MYO1F: variants seen among roughly 807,000 people sequenced by gnomAD.
MYO1F encodes the protein unconventional myosin-If.
Under a neutral mutation model 146.6 loss-of-function variants are expected in MYO1F, and 60 were observed. The observed-to-expected ratio is 0.41, with a 90% CI of 0.33 to 0.51. The LOEUF (loss-of-function observed/expected upper bound fraction) is 0.51. MYO1F is among the 20% of genes least tolerant of loss of function. MYO1F has a pLI of 0.25. For synonymous variants in MYO1F, 602 were observed against 602.1 expected, an observed-to-expected ratio of 1.00 and a Z score of 0.00; for missense variants, 1,274 against 1,534.3, an observed-to-expected ratio of 0.83 and a Z score of 2.83.
chr19:8,546,498 C>T (rs183863111), intron 12 of MYO1F, among the ~76,000 whole-genome samples: 215 of 151,786 alleles, frequency 1.4e-3, no homozygotes, highest in African/African-American at 4.3e-3. Flanking sequence ...TAGCTGGGAC[C>T]GTAGGAGCAC....
intron 14 of MYO1F, among the ~76,000 whole-genome samples, chr19:8,543,675 CTGGTGGTGGTGGTGG>C (rs1191447239): frequency 0.063 from 2,292 of 36,150 alleles, 172 homozygotes; most frequent in African/African-American, 0.1. Flanking sequence ...GGTGGTGGTG[CTGGTGGTGGTGGTGG>C]TGGTGGTGGT....
At chr19:8,557,356 G>C (rs939421784) in intron 1 of MYO1F, among the ~76,000 whole-genome samples, 8 of 152,180 alleles carry the variant, frequency 5.3e-5, no homozygotes, top group African/African-American at 1.9e-4. Flanking sequence ...GAGTGCAGTG[G>C]TGTGATCACA....
intron 21 of MYO1F, among the ~76,000 whole-genome samples, chr19:8,527,829 T>G (rs539876225): frequency 2.6e-5 from 4 of 152,224 alleles, no homozygotes; most frequent in South Asian, 4.1e-4. Context: ...CCCAGGCTGG[T>G]CTTGAGCTCC....
chr19:8,544,711 G>A (rs1222841608), intron 13 of MYO1F, among the ~76,000 whole-genome samples: 4 of 152,066 alleles, frequency 2.6e-5, no homozygotes, highest in Admixed American at 2.6e-4. Context: ...GCAGAAGTGG[G>A]TGGGGACCCC....
rs1393662164 is a variant in MYO1F, at chr19:8,527,328, C to G, written c.2474+10G>C. ...GAGTGACTGTGCGGCAGGTAAGGAC[C>G]TGGCTTCACCTGAGGGAGACTCCCC... On this transcript the variant is annotated intron_variant, in intron 22 of 27. Transcript: ENST00000644032. 1 of 1,613,978 alleles carries G rather than the reference C, an allele frequency of 6.2e-7. No individual in the cohort carries two copies. Among genetic ancestry groups the G allele is most frequent in the Non-Finnish European group, 8.5e-7 (1 of 1,179,994 alleles).
In MYO1F at chr19:8,536,934, G is replaced by GT; in HGVS notation, c.1799+14dup. ...CCTGGGGGGAATGAATCTTGGATTG[G>GT]TTGGGGGGGATCACCTGTTCTCCTC... On this transcript the variant is annotated intron_variant, in intron 17 of 27. Transcript: ENST00000644032. 1.5e-6 allele frequency: 2 copies of GT among 1,373,200 alleles called. No homozygotes were observed. Among genetic ancestry groups the GT allele is most frequent in the Non-Finnish European group, 2.0e-6 (2 of 1,013,896 alleles). The allele number at this position is 1,373,200 out of a possible 1,614,324, so 85.1% of individuals were successfully genotyped here.
intron 1 of MYO1F, among the ~76,000 whole-genome samples, chr19:8,564,839 T>A (rs1392956774): frequency 6.6e-6 from 1 of 151,576 alleles, no homozygotes; most frequent in Non-Finnish European, 1.5e-5. Flanking sequence ...GTGGTATGAT[T>A]TCGGCTCACT....
At chr19:8,553,812 C>T (rs942874797) in intron 4 of MYO1F, among the ~76,000 whole-genome samples, 1 of 151,162 alleles carries the variant, frequency 6.6e-6, no homozygotes, top group African/African-American at 2.4e-5. Context: ...GCAGAGGTTG[C>T]AGTGAGCTGA....
intron 16 of MYO1F, among the ~76,000 whole-genome samples, chr19:8,538,397 TCTC>T (rs1568343193): frequency 6.6e-6 from 1 of 151,790 alleles, no homozygotes; most frequent in Non-Finnish European, 1.5e-5. Context: ...TTCAAGCAAT[TCTC>T]CTGCCTCAGC....
In MYO1F at chr19:8,522,784, AG is replaced by A; in HGVS notation, c.2899del (p.Leu967CysfsTer94). On this transcript the variant is annotated frameshift_variant, in exon 26 of 28. Coordinates refer to ENST00000644032, the MANE Select transcript of MYO1F (RefSeq NM_012335.4). LOFTEE classifies it high-confidence loss of function. ...GVPPSARGGP[L>X]PLEIMSGGGT... ...CCCTCCAGACATGATCTCCAGGGGC[AG>A]GGGGCCCCCTCTGGCAGAGGGGGGC... is the stretch of plus-strand genomic sequence containing the variant. 1.2e-6 allele frequency: 2 copies of A among 1,602,686 alleles called. No homozygotes were observed.
chr19:8,553,497 G>C (rs1599998675), intron 4 of MYO1F, 60 bp from the exon 5 acceptor site: 1 of 1,395,962 alleles, frequency 7.2e-7, no homozygotes, highest in Non-Finnish European at 1.0e-6. Flanking sequence ...TTTAGTGCCT[G>C]ACCATTCATT....
intron 19 of MYO1F, among the ~76,000 whole-genome samples, chr19:8,531,716 C>T (rs537913931): frequency 1.7e-4 from 26 of 152,324 alleles, no homozygotes; most frequent in African/African-American, 3.4e-4. Context: ...TATGATGTCA[C>T]GGTTTCTTAC....
In MYO1F at chr19:8,574,642, TTTCCTTTCTTTC is replaced by T. The variant is rs1555733221; in HGVS notation, c.3+2653_3+2664del. Among the ~76,000 whole-genome samples the T allele has an allele frequency of 2.4e-3, 126 of 53,090 alleles. 3 individuals carry two copies. Among genetic ancestry groups the T allele is most frequent in the East Asian group, 0.012 (8 of 642 alleles). 34.8% of individuals were successfully genotyped at this position (53,090 alleles called of 152,430 possible). A position where few individuals can be genotyped will look rare whatever the true frequency, so the allele number is the denominator to read the frequency against. On this transcript the variant is annotated intron_variant, in intron 1 of 27. Transcript: ENST00000644032. ...CTTTCTTTCTTTCTTTCTTTCTTTCTTTCCTTTCTTTCTCTTTCTTCTTTCTCTCTTTCTTTC... is the reference window on the plus strand; with the variant it reads ...CTTTCTTTCTTTCTTTCTTTCTTTCTTCTTTCTTCTTTCTCTCTTTCTTTC...
In MYO1F at chr19:8,536,374, T is replaced by A. The variant is rs745445244; in HGVS notation, c.1921A>T (p.Thr641Ser). The stretch of plus-strand genomic sequence containing the variant: ...TCGTCCCCACGCCACCGCGGCCACG[T>A]CTCGGGGGTCAGAATGGCATACCTG... ...LQRYAILTPE[T>S]WPRWRGDERQ... The change falls in exon 19 of 28, where the codon ACG becomes TCG. Residue 641 changes from threonine to serine, a missense_variant. By Grantham distance (58) the Thr-to-Ser change is moderately conservative (BLOSUM62 1). Around this residue, in one of 2 missense-constraint regions of MYO1F, gnomAD observed 900 missense variants for 1,155.1 expected, o/e 0.78. Transcript: ENST00000644032. 1 of 1,606,000 alleles carries A rather than the reference T, an allele frequency of 6.2e-7. No individual in the cohort carries two copies. The highest frequency in any genetic ancestry group is 8.5e-7 in the Non-Finnish European group (1 of 1,179,872).
At position 8,554,439 on chromosome 19, in the gene MYO1F, G is replaced by A. The variant is rs138477350; in HGVS notation, c.326+38C>T. 1.8e-4 allele frequency: 270 copies of A among 1,539,844 alleles called. 2 individuals carry two copies. The highest frequency in any genetic ancestry group is 1.4e-3 in the African/African-American group (103 of 73,252). ...GGTGGTGATGTTTCAGCAGGGGCCCGGGCAGCAGGGTCTGTGGCCCCCCAA... is the reference window on the plus strand; with the variant it reads ...GGTGGTGATGTTTCAGCAGGGGCCCAGGCAGCAGGGTCTGTGGCCCCCCAA... On this transcript the variant is annotated intron_variant, in intron 4 of 27. Coordinates refer to ENST00000644032, the MANE Select transcript of MYO1F (RefSeq NM_012335.4).
At chr19:8,549,255 C>T (rs1161904448) in intron 10 of MYO1F, among the ~76,000 whole-genome samples, 2 of 151,548 alleles carry the variant, frequency 1.3e-5, no homozygotes, top group African/African-American at 2.4e-5. Flanking sequence ...CCTGGCCATA[C>T]ATTTTATACT....
At chr19:8,522,292 G>T in intron 27 of MYO1F, 85 bp downstream of exon 27, 1 of 1,569,110 alleles carries the variant, frequency 6.4e-7, no homozygotes, top group Non-Finnish European at 8.7e-7. Context: ...AAAATGCTGG[G>T]ATTACAGGCG....
chr19:8,554,681 G>C lies in MYO1F; in HGVS notation c.204C>G (p.Asp68Glu). ...CGCCCTGATAGAGGTCGATCTCACG[G>C]TCGGTGAAGTAGGGCATCTGCTTGA... ...NPFKQMPYFTDREIDLYQGAA... is the reference protein window; with the variant it reads ...NPFKQMPYFTEREIDLYQGAA... Residue 68 changes from aspartate to glutamate, a missense_variant, in exon 3 of 28, where the codon GAC (aspartate) becomes GAG (glutamate). This residue lies in a region of MYO1F where 900 missense variants were observed against 1,155.1 expected (regional missense o/e 0.78). Coordinates refer to ENST00000644032, the MANE Select transcript of MYO1F (RefSeq NM_012335.4). 1 of 1,614,012 alleles carries C rather than the reference G, an allele frequency of 6.2e-7. No individual in the cohort carries two copies. Among genetic ancestry groups the C allele is most frequent in the African/African-American group, 1.3e-5 (1 of 75,014 alleles).
rs933094600 is a variant in MYO1F at position 8,528,335 on chromosome 19, T to A, written c.2329-852A>T. ...CAAGGTCAGAAGATTGAGACCATCC[T>A]GGCTAATACCATGAAACCCCATCTC... On this transcript the variant is annotated intron_variant, in intron 21 of 27. Coordinates refer to ENST00000644032, the MANE Select transcript of MYO1F (RefSeq NM_012335.4). 2.6e-5 allele frequency among the ~76,000 whole-genome samples: 4 copies of A among 152,078 alleles called. No homozygotes were observed. In the East Asian group the frequency reaches 7.7e-4, roughly 29 times the overall value.
Sources: gnomAD v4.1 joint callset for allele counts (sites outside exome capture counted in the v4.1 genomes callset) on GRCh38, gnomAD v4.1.1 for gene constraint, gnomAD v4.1.1 regional missense constraint, MANE v1.5 for transcripts, NCBI Gene and HGNC (gene_info 2026-07-23, HGNC 2026-07-21) for gene names.